The following HMGB1 variants were observed in gnomAD, a reference collection of about 807,000 sequenced individuals.
HMGB1 encodes the protein high mobility group box 1.
For synonymous variants in HMGB1, 81 were observed against 84.0 expected (o/e 0.96, Z 0.19); for missense variants, 79 against 253.5 (o/e 0.31, Z 4.67).
In HMGB1 at chr13:30,519,438, G is replaced by A. The variant is rs1440237821; in HGVS notation, c.-14-55744C>T. Among the ~76,000 whole-genome samples the A allele has an allele frequency of 1.9e-4, 29 of 150,988 alleles. 1 individual carries two copies. The highest frequency in any genetic ancestry group is 1.6e-3 in the Admixed American group (24 of 15,140). ...AGGCCGGGCGCGGTGGTTCACGCCT[G>A]TAATCCCAGCACTTTGGGAGGCCAA... On this transcript the variant is annotated intron_variant, in intron 1 of 4. Coordinates refer to the HMGB1 transcript ENST00000405805.
intron 1 of HMGB1, among the ~76,000 whole-genome samples, chr13:30,504,362 A>G (rs534315983): frequency 1.2e-3 from 182 of 152,334 alleles, no homozygotes; most frequent in Non-Finnish European, 1.5e-3. Context: ...ATAATCTTTC[A>G]TATCTGAAAT....
chr13:30,540,495 C>A, intron 1 of HMGB1: 1 of 156,592 alleles, frequency 6.4e-6, no homozygotes, highest in East Asian at 1.9e-4. Context: ...AATGCTGTGT[C>A]ATGAACCTGG....
At chr13:30,484,677 C>T (rs1033615705) in intron 1 of HMGB1, among the ~76,000 whole-genome samples, 1 of 151,430 alleles carries the variant, frequency 6.6e-6, no homozygotes, top group Non-Finnish European at 1.5e-5. Context: ...CAAAACTAGC[C>T]TAGGAAACAT....
chr13:30,617,088 TCCC>T (rs1428000457), exon 1 of HMGB1: 1 of 152,020 alleles, frequency 6.6e-6, no homozygotes, highest in Non-Finnish European at 1.5e-5. Context: ...AAATGAGAAC[TCCC>T]CCTTTCTCTG....
chr13:30,609,179 C>G (rs568478726), intron 1 of HMGB1, among the ~76,000 whole-genome samples: 2 of 152,182 alleles, frequency 1.3e-5, no homozygotes, highest in African/African-American at 4.8e-5. Flanking sequence ...AGGAGAATGG[C>G]GTGAACCCGG....
At chr13:30,479,196 A>C (rs9506314) in intron 1 of HMGB1, among the ~76,000 whole-genome samples, 1 of 152,112 alleles carries the variant, frequency 6.6e-6, no homozygotes, top group African/African-American at 2.4e-5. Flanking sequence ...TCTAATAGCT[A>C]TTCATTCTTT....
intron 1 of HMGB1, among the ~76,000 whole-genome samples, chr13:30,476,159 C>A (rs905401595): frequency 3.5e-5 from 4 of 113,822 alleles, no homozygotes; most frequent in Non-Finnish European, 7.1e-5. Context: ...GTAGCATGTA[C>A]TCTCTCTCAG....
At chr13:30,539,515 T>C (rs1868763039) in intron 1 of HMGB1, 2 of 252,080 alleles carry the variant, frequency 7.9e-6, no homozygotes, top group South Asian at 1.6e-4. Context: ...AGGAAAAATA[T>C]ATTTACTCCA....
At chr13:30,462,735 G>A (rs1292436271) in intron 3 of HMGB1, 23 bp from the exon 4 acceptor site, 1 of 1,596,158 alleles carries the variant, frequency 6.3e-7, no homozygotes, top group Admixed American at 1.7e-5. Flanking sequence ...TTAATTTTAG[G>A]ATTTTAAGTT....
chr13:30,463,141 TG>T (rs1886466218), intron 3 of HMGB1, 65 bp downstream of exon 3: 2 of 1,461,250 alleles, frequency 1.4e-6, no homozygotes, highest in Admixed American at 4.1e-5. Flanking sequence ...CAAAGTAGCT[TG>T]CTAAATTTCT....
chr13:30,480,982 T>G (rs1887213503), intron 1 of HMGB1, among the ~76,000 whole-genome samples: 1 of 151,882 alleles, frequency 6.6e-6, no homozygotes, highest in Middle Eastern at 3.2e-3. Context: ...TCCCTATGGT[T>G]TCCTGCTCTG....
intron 1 of HMGB1, among the ~76,000 whole-genome samples, chr13:30,502,929 C>T (rs1392746744): frequency 6.6e-6 from 1 of 152,106 alleles, no homozygotes; most frequent in Non-Finnish European, 1.5e-5. Context: ...ACCCATCTCC[C>T]AAAGTGCTGG....
chr13:30,531,186 T>C (rs924432649), intron 1 of HMGB1, among the ~76,000 whole-genome samples: 2 of 152,226 alleles, frequency 1.3e-5, no homozygotes, highest in Non-Finnish European at 2.9e-5. Flanking sequence ...TTTACTTTAC[T>C]AACTGCAGAT....
intron 1 of HMGB1, among the ~76,000 whole-genome samples, chr13:30,556,929 A>G (rs1869717668): frequency 6.6e-6 from 1 of 152,210 alleles, no homozygotes; most frequent in Non-Finnish European, 1.5e-5. Context: ...TGATAAACAT[A>G]TGAGATGGTG....
At chr13:30,531,557 T>TGTGTGTGTG (rs1173116230) in intron 1 of HMGB1, among the ~76,000 whole-genome samples, 8 of 144,740 alleles carry the variant, frequency 5.5e-5, no homozygotes, top group East Asian at 2.0e-4. Flanking sequence ...TGTGTGTGTG[T>TGTGTGTGTG]TTTCAGCGAA....
chr13:30,607,878 T>C (rs1296585743), intron 1 of HMGB1, among the ~76,000 whole-genome samples: 3 of 152,228 alleles, frequency 2.0e-5, no homozygotes, highest in African/African-American at 4.8e-5. Flanking sequence ...ATATTAGACA[T>C]TACTGAATTA....
intron 1 of HMGB1, among the ~76,000 whole-genome samples, chr13:30,498,749 G>C (rs144394760): frequency 1.3e-5 from 2 of 151,668 alleles, no homozygotes; most frequent in East Asian, 3.9e-4. Context: ...CTGTGTTCAA[G>C]AGATTCTCCT....
chr13:30,574,489 G>T (rs1870563934), intron 1 of HMGB1, among the ~76,000 whole-genome samples: 1 of 152,172 alleles, frequency 6.6e-6, no homozygotes, highest in African/African-American at 2.4e-5. Flanking sequence ...ATAATCGACG[G>T]TAAAAATTTC....
intron 1 of HMGB1, among the ~76,000 whole-genome samples, chr13:30,602,039 C>T (rs1232925807): frequency 6.6e-6 from 1 of 152,108 alleles, no homozygotes; most frequent in African/African-American, 2.4e-5. Flanking sequence ...ACAGGACGTG[C>T]ACATGTACGA....
Sources: allele counts gnomAD v4.1 joint callset (sites outside exome capture counted in the v4.1 genomes callset), GRCh38; gene constraint gnomAD v4.1.1; transcripts MANE v1.5; gene names NCBI Gene and HGNC (gene_info 2026-07-23, HGNC 2026-07-21).